Variants in SLC12A7 observed in about 807,000 individuals in gnomAD.
The protein encoded by SLC12A7 is solute carrier family 12 member 7.
In SLC12A7, 100 loss-of-function variants were observed where a neutral mutation model predicts 120.6. The observed-to-expected ratio is 0.83, with a 90% CI of 0.71 to 0.98. The LOEUF (loss-of-function observed/expected upper bound fraction) is 0.98. SLC12A7 is among the 50% of genes least tolerant of loss of function. SLC12A7 has a pLI of 0.00. For missense variants in SLC12A7, 1,373 were observed against 1,548.1 expected, an observed-to-expected ratio of 0.89 and a Z score of 1.90; for synonymous variants, 760 against 678.0, an observed-to-expected ratio of 1.12 and a Z score of -1.88.
chr5:1,074,447 A>AC, intron 16 of SLC12A7, 120 bp downstream of exon 16: 1 of 903,758 alleles, frequency 1.1e-6, no homozygotes. Context: ...CACACCCCAG[A>AC]CCTTGCCTGA....
Position 1,090,135 on chromosome 5 carries a change from CA to C in SLC12A7, c.343-1008del, listed in dbSNP as rs568350754. Among the ~76,000 whole-genome samples, 81 of 152,338 alleles carry C rather than the reference CA, an allele frequency of 5.3e-4. 1 individual carries two copies. The highest frequency in any genetic ancestry group is 1.8e-3 in the African/African-American group (76 of 41,576). On this transcript the variant is annotated intron_variant, in intron 3 of 23. Transcript: ENST00000264930. Reference sequence around the variant, plus strand: ...AGCCCAGGCCTGGGGAGGATGGGAACAGGGGACCAGGTGAGGGGCAGCTCCC... The same window carrying C: ...AGCCCAGGCCTGGGGAGGATGGGAACGGGGACCAGGTGAGGGGCAGCTCCC...
At chr5:1,086,849 T>TGGCATCCTGCCACAGACTGTGGGGTG in intron 6 of SLC12A7, 54 bp downstream of exon 6, 1 of 1,596,152 alleles carries the variant, frequency 6.3e-7, no homozygotes, top group African/African-American at 1.3e-5. Context: ...CAGGGCCCCT[T>TGGCATCCTGCCACAGACTGTGGGGTG]GGCATCCTGC....
chr5:1,109,304 C>T (rs1037342031), intron 1 of SLC12A7, among the ~76,000 whole-genome samples: 2 of 152,116 alleles, frequency 1.3e-5, no homozygotes, highest in Non-Finnish European at 2.9e-5. Context: ...GAAGGGTGGG[C>T]TCCCCCAAGT....
chr5:1,147,966 G>A, the SLC12A7 span, among the ~76,000 whole-genome samples: 1 of 151,820 alleles, frequency 6.6e-6, no homozygotes, highest in Non-Finnish European at 1.5e-5. Context: ...AACTCCTGTA[G>A]GGAAACAATT....
Position 1,065,433 on chromosome 5 carries a change from G to T in SLC12A7, c.2287C>A (p.Gln763Lys). Residue 763 changes from glutamine to lysine, a missense_variant, in exon 18 of 24, where the codon CAG becomes AAG. Gln to Lys is a moderately conservative substitution (Grantham distance 53). Transcript: ENST00000264930. ...MSTEKTKGFC[Q>K]LVVSSSLRDG... is the part of the protein sequence containing the mutation. The stretch of plus-strand genomic sequence containing the variant: ...CGCAGGCTGGACGAGACCACCAGCT[G>T]GCAGAAGCCCTTGGTCTTCTCTGTG... 6.2e-7 allele frequency: 1 copy of T among 1,611,426 alleles called. No homozygotes were observed. Among genetic ancestry groups the T allele is most frequent in the South Asian group, 1.1e-5 (1 of 90,866 alleles).
In SLC12A7 at chr5:1,064,240, T is replaced by A; in HGVS notation, c.2450A>T (p.Asp817Val). Residue 817 changes from aspartate to valine, a missense_variant, in exon 19 of 24, where the codon GAC (aspartate) becomes GTC (valine). Transcript: ENST00000264930. ...SWKNFVDTVRDTTAAHQALLV... is the reference protein window; with the variant it reads ...SWKNFVDTVRVTTAAHQALLV... ...CAGAGCCTGGTGCGCGGCGGTGGTG[T>A]CGCGGACGGTGTCTGCGGAGAGAGG... is the stretch of plus-strand genomic sequence containing the variant. 1 of 1,610,448 alleles carries A rather than the reference T, an allele frequency of 6.2e-7. No homozygotes were observed. The highest frequency in any genetic ancestry group is 8.5e-7 in the Non-Finnish European group (1 of 1,178,792).
At chr5:1,133,784 T>G in the SLC12A7 span, among the ~76,000 whole-genome samples, 9 of 152,214 alleles carry the variant, frequency 5.9e-5, no homozygotes, top group East Asian at 9.7e-4. Context: ...AGGAACCCCC[T>G]GGGGTTCTCA....
chr5:1,100,839 G>C (rs529978605), intron 1 of SLC12A7, among the ~76,000 whole-genome samples: 2 of 152,210 alleles, frequency 1.3e-5, no homozygotes, highest in Admixed American at 1.3e-4. Context: ...AGAGGAGCCC[G>C]AGGCAGCGTG....
intron 1 of SLC12A7, among the ~76,000 whole-genome samples, chr5:1,108,776 C>T (rs1232806266): frequency 2.0e-5 from 3 of 152,220 alleles, no homozygotes; most frequent in Non-Finnish European, 4.4e-5. Context: ...CAGGACAAAG[C>T]GGCAGCTCTA....
chr5:1,115,425 C>T (rs1264087310), upstream of SLC12A7, among the ~76,000 whole-genome samples: 2 of 152,226 alleles, frequency 1.3e-5, no homozygotes, highest in Non-Finnish European at 2.9e-5. Context: ...ACGCAGGCTG[C>T]CTCCAGGTAT....
At chr5:1,149,663 C>T in the SLC12A7 span, among the ~76,000 whole-genome samples, 9 of 152,282 alleles carry the variant, frequency 5.9e-5, no homozygotes, top group Non-Finnish European at 1.0e-4. Context: ...TGTTGATTTG[C>T]ATTTCTCTAG....
chr5:1,099,918 G>A (rs1741842758), intron 1 of SLC12A7, among the ~76,000 whole-genome samples: 2 of 152,212 alleles, frequency 1.3e-5, no homozygotes, highest in Admixed American at 6.5e-5. Context: ...GGTCCCCCAG[G>A]CCTGGCCCGC....
Position 1,090,778 on chromosome 5 carries a change from T to C in SLC12A7, c.343-1650A>G, listed in dbSNP as rs1343124482. On this transcript the variant is annotated intron_variant, in intron 3 of 23. Transcript: ENST00000264930. ...GTTCTCGGCCAAAGGCGGGGGATCC[T>C]GACTCCTCACGGAAGGGCATGGCCG... Among the ~76,000 whole-genome samples, 3 of 152,204 alleles carry C rather than the reference T, an allele frequency of 2.0e-5. No individual in the cohort carries two copies. The East Asian group carries it at 5.8e-4, about 29-fold the overall frequency.
At chr5:1,058,884 C>A (rs1279382312) in intron 21 of SLC12A7, among the ~76,000 whole-genome samples, 2 of 17,704 alleles carry the variant, frequency 1.1e-4, no homozygotes, top group African/African-American at 1.2e-4. Context: ...CACAGCAGCT[C>A]ATCCAAACCC....
At chr5:1,054,984 C>T (rs1735455081) in intron 22 of SLC12A7, among the ~76,000 whole-genome samples, 1 of 152,152 alleles carries the variant, frequency 6.6e-6, no homozygotes, top group East Asian at 1.9e-4. Context: ...GCCAGGAGCA[C>T]AGGGGGGTCG....
At chr5:1,120,494 C>T in the SLC12A7 span, among the ~76,000 whole-genome samples, 1 of 152,258 alleles carries the variant, frequency 6.6e-6, no homozygotes, top group Non-Finnish European at 1.5e-5. Flanking sequence ...GCCAGATGCT[C>T]ACAGCCGCTG....
intron 1 of SLC12A7, among the ~76,000 whole-genome samples, chr5:1,094,659 ATC>A (rs1477628010): frequency 6.6e-6 from 1 of 152,146 alleles, no homozygotes; most frequent in Non-Finnish European, 1.5e-5. Context: ...GGCGTTGAAA[ATC>A]TCTCATTCAG....
At chr5:1,141,274 T>C in the SLC12A7 span, among the ~76,000 whole-genome samples, 1 of 152,202 alleles carries the variant, frequency 6.6e-6, no homozygotes, top group African/African-American at 2.4e-5. Flanking sequence ...TGAATTAGGA[T>C]GCACCCCTGT....
At chr5:1,078,658 G>A in intron 11 of SLC12A7, 43 bp downstream of exon 11, 1 of 1,528,802 alleles carries the variant, frequency 6.5e-7, no homozygotes, top group Non-Finnish European at 9.1e-7. Flanking sequence ...GAAAACCCTT[G>A]AAGACTACAG....
Sources: gnomAD v4.1 joint callset for allele counts (sites outside exome capture counted in the v4.1 genomes callset) on GRCh38, gnomAD v4.1.1 for gene constraint, MANE v1.5 for transcripts, NCBI Gene and HGNC (gene_info 2026-07-23, HGNC 2026-07-21) for gene names.